RANBP3: variants seen among roughly 807,000 people sequenced by gnomAD.
The protein encoded by RANBP3 is RAN binding protein 3, also known as ran-binding protein 3.
Under a neutral mutation model 77.3 loss-of-function variants are expected in RANBP3, and 14 were observed. The ratio of observed to expected loss-of-function variants is 0.18; its 90% CI spans 0.12 to 0.28. The LOEUF (loss-of-function observed/expected upper bound fraction) is 0.28, where lower values mean the gene tolerates loss of function less well. Ranked by LOEUF, RANBP3 falls within the 10% of genes least tolerant of loss-of-function variation. RANBP3 has a pLI of 1.00. For synonymous variants in RANBP3, 315 were observed against 312.4 expected (o/e 1.01, Z -0.09); for missense variants, 586 against 752.3 (o/e 0.78, Z 2.59).
chr19:5,955,189 T>C (rs966232531), intron 2 of RANBP3, among the ~76,000 whole-genome samples: 1 of 152,204 alleles, frequency 6.6e-6, no homozygotes, highest in Non-Finnish European at 1.5e-5. Context: ...TGGAGTGCAG[T>C]GGTGCGATCT....
chr19:5,919,635 A>G (rs76276705), intron 14 of RANBP3, among the ~76,000 whole-genome samples: 3,919 of 152,306 alleles, frequency 0.026, 96 homozygotes, highest in African/African-American at 0.064. Flanking sequence ...ACAGTGGCTC[A>G]AGCCTGTAAT....
chr19:5,932,224 G>A (rs1024558180), intron 7 of RANBP3, among the ~76,000 whole-genome samples: 1 of 152,224 alleles, frequency 6.6e-6, no homozygotes, highest in East Asian at 1.9e-4. Flanking sequence ...TCAGCCGAGA[G>A]CTGTGAGGAA....
intron 5 of RANBP3, among the ~76,000 whole-genome samples, chr19:5,940,618 G>A (rs1017571369): frequency 3.3e-5 from 5 of 152,218 alleles, no homozygotes; most frequent in Admixed American, 2.0e-4. Flanking sequence ...TTCCTGTAAC[G>A]CATGCGTGAC....
At chr19:5,918,017 A>C in intron 15 of RANBP3, 37 bp from the exon 16 acceptor site, 1 of 1,538,060 alleles carries the variant, frequency 6.5e-7, no homozygotes, top group East Asian at 2.3e-5. Flanking sequence ...CCCGGACCCC[A>C]GTCCTACCCC....
chr19:5,925,815 C>G (rs570922039), intron 9 of RANBP3, 78 bp from the exon 10 acceptor site: 1 of 1,211,486 alleles, frequency 8.3e-7, no homozygotes, highest in African/African-American at 1.5e-5. Context: ...CTGCAGACCC[C>G]CTGAGCTGCA....
Position 5,928,961 on chromosome 19 carries a change from C to A in RANBP3, c.694-874G>T, listed in dbSNP as rs140746419. ...TGGCGATGTGTACAGTGGACATGAA[C>A]GTGAGGCAGGGAGTGTTTTCCTGGG... On this transcript the variant is annotated intron_variant, in intron 8 of 16. Transcript: ENST00000340578. Among the ~76,000 whole-genome samples the A allele has an allele frequency of 4.5e-3, 692 of 152,270 alleles. 3 individuals carry two copies. Among genetic ancestry groups the A allele is most frequent in the African/African-American group, 0.016 (664 of 41,550 alleles).
At position 5,923,880 on chromosome 19, in the gene RANBP3, G is replaced by C. The variant is rs199933262; in HGVS notation, c.1031C>G (p.Ala344Gly). Residue 344 changes from alanine to glycine, a missense_variant, in exon 12 of 17, where the codon GCC (alanine) becomes GGC (glycine). This residue lies in a region of RANBP3 where 232 missense variants were observed against 271.7 expected (regional missense o/e 0.85). Coordinates refer to ENST00000340578, the MANE Select transcript of RANBP3 (RefSeq NM_007322.3). Reference sequence around the variant, plus strand: ...CTCGGCAGCTGCATTTTCCCTGTTGGCATCTGAACTGACCTCGTTTAATTT... The same window carrying C: ...CTCGGCAGCTGCATTTTCCCTGTTGCCATCTGAACTGACCTCGTTTAATTT... ...PPKLNEVSSD[A>G]NRENAAAESG... 2.0e-5 allele frequency: 32 copies of C among 1,614,022 alleles called. No individual in the cohort carries two copies. The highest frequency in any genetic ancestry group is 1.6e-4 in the South Asian group (15 of 91,090).
intron 8 of RANBP3, 26 bp downstream of exon 8, chr19:5,931,378 G>A (rs750162236): frequency 6.5e-5 from 104 of 1,588,926 alleles, no homozygotes; most frequent in Non-Finnish European, 8.1e-5. Context: ...AGCATGCAGC[G>A]CTTCCCTGCC....
chr19:5,918,452 T>C (rs779423103), intron 15 of RANBP3, 44 bp downstream of exon 15: 2 of 1,294,614 alleles, frequency 1.5e-6, no homozygotes, highest in Non-Finnish European at 2.0e-6. Context: ...CCCACAGGGC[T>C]GGCAGGATGA....
intron 1 of RANBP3, among the ~76,000 whole-genome samples, chr19:5,977,712 A>G (rs2058612831): frequency 6.6e-6 from 1 of 152,186 alleles, no homozygotes; most frequent in African/African-American, 2.4e-5. Context: ...ACCAGGCCCT[A>G]AGGTCTATTT....
At chr19:5,931,781 C>G (rs2057995558) in intron 7 of RANBP3, among the ~76,000 whole-genome samples, 1 of 152,034 alleles carries the variant, frequency 6.6e-6, no homozygotes, top group South Asian at 2.1e-4. Context: ...GTCTGTGGTC[C>G]CAGTGCTTTG....
chr19:5,933,190 G>A (rs748072858), intron 6 of RANBP3: 1 of 494,872 alleles, frequency 2.0e-6, no homozygotes, highest in Non-Finnish European at 3.6e-6. Flanking sequence ...CTGCTCCCGT[G>A]CCACCACTGC....
At chr19:5,960,564 A>G (rs1213439153) in intron 1 of RANBP3, among the ~76,000 whole-genome samples, 3 of 152,170 alleles carry the variant, frequency 2.0e-5, no homozygotes, top group African/African-American at 7.2e-5. Context: ...TACTTGGCAC[A>G]CTTTATGGAT....
At chr19:5,974,377 C>T (rs892061183) in intron 1 of RANBP3, 1 of 152,192 alleles carries the variant, frequency 6.6e-6, no homozygotes, top group Non-Finnish European at 1.5e-5. Context: ...TTACCTTTGC[C>T]AGGGACAAAA....
At position 5,917,115 on chromosome 19, in the gene RANBP3, T is replaced by G. The variant is rs1034286019; in HGVS notation, c.*495A>C. ...CGTCCAATGGGCCCAGTGTCTACACTCGTACGAGCAGCCCCCCAAGCTGGG... is the reference window on the plus strand; with the variant it reads ...CGTCCAATGGGCCCAGTGTCTACACGCGTACGAGCAGCCCCCCAAGCTGGG... On this transcript the variant is annotated 3_prime_UTR_variant, in exon 17 of 17. Coordinates refer to ENST00000340578, the MANE Select transcript of RANBP3 (RefSeq NM_007322.3). 4 of 186,436 alleles carry G rather than the reference T, an allele frequency of 2.1e-5. No homozygotes were observed. Among genetic ancestry groups the G allele is most frequent in the Non-Finnish European group, 4.6e-5 (4 of 87,864 alleles). The allele number at this position is 186,436 out of a possible 1,614,324, so 11.5% of individuals were successfully genotyped here. A position where few individuals can be genotyped will look rare whatever the true frequency, so the allele number is the denominator to read the frequency against.
chr19:5,962,056 T>G (rs1342234946), intron 1 of RANBP3, among the ~76,000 whole-genome samples: 1 of 152,068 alleles, frequency 6.6e-6, no homozygotes, highest in Non-Finnish European at 1.5e-5. Flanking sequence ...CGAGCAGGCC[T>G]TATATCCTGC....
intron 3 of RANBP3, among the ~76,000 whole-genome samples, chr19:5,951,101 T>C (rs888541762): frequency 3.3e-5 from 5 of 152,218 alleles, no homozygotes; most frequent in Non-Finnish European, 7.3e-5. Flanking sequence ...CTACTTCACA[T>C]GACTCAATTC....
intron 3 of RANBP3, among the ~76,000 whole-genome samples, chr19:5,942,177 C>T (rs916003270): frequency 6.6e-6 from 1 of 152,154 alleles, no homozygotes; most frequent in Non-Finnish European, 1.5e-5. Context: ...TTCATTCTGC[C>T]AAGAGCTGAA....
intron 13 of RANBP3, among the ~76,000 whole-genome samples, chr19:5,922,153 CTG>C (rs58706158): frequency 0.38 from 57,329 of 151,838 alleles, 11,635 homozygotes; most frequent in East Asian, 0.64. Flanking sequence ...TTGTCTGACT[CTG>C]TGAATATACT....
Sources: gnomAD v4.1 joint callset for allele counts (sites outside exome capture counted in the v4.1 genomes callset) on GRCh38, gnomAD v4.1.1 for gene constraint, gnomAD v4.1.1 regional missense constraint, MANE v1.5 for transcripts, NCBI Gene and HGNC (gene_info 2026-07-23, HGNC 2026-07-21) for gene names.